Variants in STAG1 observed in about 807,000 individuals in gnomAD.
STAG1 encodes the protein STAG1 cohesin complex component, also known as cohesin subunit SA-1.
A neutral mutation model predicts 170.9 loss-of-function variants in STAG1; 26 were observed. The ratio of observed to expected loss-of-function variants is 0.15; its 90% CI spans 0.11 to 0.21. The LOEUF (loss-of-function observed/expected upper bound fraction) is 0.21, where lower values mean the gene tolerates loss of function less well. Among genes scored for constraint, STAG1 ranks in the 10% least tolerant of loss-of-function variants. The probability of loss-of-function intolerance (pLI) is 1.00; values close to 1 mark genes in which losing one functional copy is unlikely to be tolerated. For missense variants in STAG1, 964 were observed against 1,509.5 expected (o/e 0.64, Z 5.99); for synonymous variants, 514 against 497.7 (o/e 1.03, Z -0.44).
intron 9 of STAG1, among the ~76,000 whole-genome samples, chr3:136,496,507 A>T (rs1933104099): frequency 6.6e-6 from 1 of 152,186 alleles, no homozygotes; most frequent in Non-Finnish European, 1.5e-5. Flanking sequence ...GTATCTAGAA[A>T]ATCCTCAAAT....
At position 136,702,826 on chromosome 3, in the gene STAG1, A is replaced by G. The variant is rs1414642850; in HGVS notation, c.-84+49369T>C. Among the ~76,000 whole-genome samples the G allele has an allele frequency of 2.0e-5, 3 of 152,166 alleles. No homozygotes were observed. The South Asian group carries it at 6.2e-4, about 32-fold the overall frequency. ...GGCTCACACCCGTAATCCCAGCACT[A>G]TGAGAGGCCGAGGCGGGCAGATCAC... On this transcript the variant is annotated intron_variant, in intron 1 of 33. Coordinates refer to ENST00000383202, the MANE Select transcript of STAG1 (RefSeq NM_005862.3).
chr3:136,702,756 G>A (rs554083295), intron 1 of STAG1, among the ~76,000 whole-genome samples: 191 of 152,114 alleles, frequency 1.3e-3, no homozygotes, highest in South Asian at 2.7e-3. Context: ...TAGGAAACAG[G>A]AGATAACGTC....
chr3:136,736,915 T>A, intron 1 of STAG1: 1 of 1,587,220 alleles, frequency 6.3e-7, no homozygotes, highest in East Asian at 2.2e-5. Flanking sequence ...TTGCTCCTGA[T>A]CTAGTAGCAA....
intron 22 of STAG1, among the ~76,000 whole-genome samples, chr3:136,389,633 C>T (rs2086955561): frequency 6.6e-6 from 1 of 151,924 alleles, no homozygotes; most frequent in Admixed American, 6.6e-5. Flanking sequence ...AATTCTCCTG[C>T]CTCGGCCTTC....
At position 136,472,488 on chromosome 3, in the gene STAG1, C is replaced by A; in HGVS notation, c.1130G>T (p.Arg377Leu). ...LELFTNRFKDRIVSMTLDKEY... is the reference protein window; with the variant it reads ...LELFTNRFKDLIVSMTLDKEY... Reference sequence around the variant, plus strand: ...TTTATCAAGTGTCATTGATACAATGCGATCCTGAGAAAAAAAAGTTGTAAA... The same window carrying A: ...TTTATCAAGTGTCATTGATACAATGAGATCCTGAGAAAAAAAAGTTGTAAA... The change falls in exon 12 of 34, where the codon CGC becomes CTC. Residue 377 changes from arginine (R) to leucine (L), a missense_variant. By Grantham distance (102) the Arg-to-Leu change is moderately radical (BLOSUM62 -2). Around this residue, in one of 11 missense-constraint regions of STAG1, gnomAD observed 162 missense variants for 211.2 expected, o/e 0.77. Transcript: ENST00000383202. 1 of 1,609,962 alleles carries A rather than the reference C, an allele frequency of 6.2e-7. No individual in the cohort carries two copies. The highest frequency in any genetic ancestry group is 8.5e-7 in the Non-Finnish European group (1 of 1,177,784).
intron 9 of STAG1, among the ~76,000 whole-genome samples, chr3:136,489,767 A>T (rs1477068645): frequency 1.3e-5 from 2 of 152,246 alleles, no homozygotes; most frequent in South Asian, 2.1e-4. Context: ...CCTTTATTAG[A>T]CTAAGAACTT....
chr3:136,647,222 G>A (rs1397578320), intron 1 of STAG1, among the ~76,000 whole-genome samples: 1 of 152,118 alleles, frequency 6.6e-6, no homozygotes, highest in Non-Finnish European at 1.5e-5. Context: ...AAGTCATGCA[G>A]TGCCCAACAT....
intron 7 of STAG1, among the ~76,000 whole-genome samples, chr3:136,510,979 C>T (rs538427373): frequency 3.9e-5 from 6 of 152,046 alleles, no homozygotes; most frequent in Non-Finnish European, 7.4e-5. Flanking sequence ...ACCATGTTGG[C>T]CAGGCTAGTC....
intron 5 of STAG1, among the ~76,000 whole-genome samples, chr3:136,567,927 G>T (rs1238587780): frequency 4.6e-5 from 7 of 152,022 alleles, no homozygotes. Flanking sequence ...TACTCACAAT[G>T]AAGATGCCTT....
At chr3:136,644,407 A>G (rs1327091695) in intron 1 of STAG1, among the ~76,000 whole-genome samples, 1 of 152,160 alleles carries the variant, frequency 6.6e-6, no homozygotes, top group Non-Finnish European at 1.5e-5. Context: ...GCCCAAGGCA[A>G]TCATCTTGAT....
At position 136,561,796 on chromosome 3, in the gene STAG1, C is replaced by T. The variant is rs766054373; in HGVS notation, c.394+6969G>A. ...GACTACTGATTTCCCTTGAGCATGA[C>T]GCTGGCTTTGGGGTTAAAACATTTT... On this transcript the variant is annotated intron_variant, in intron 5 of 33. Transcript: ENST00000383202. Among the ~76,000 whole-genome samples the T allele has an allele frequency of 1.9e-4, 28 of 147,600 alleles. 1 individual carries two copies. The highest frequency in any genetic ancestry group is 1.9e-3 in the Admixed American group (27 of 14,258).
intron 22 of STAG1, among the ~76,000 whole-genome samples, chr3:136,383,828 G>A (rs1048480274): frequency 2.0e-5 from 3 of 151,818 alleles, no homozygotes; most frequent in Non-Finnish European, 4.4e-5. Flanking sequence ...GGTGGCAGGC[G>A]CCTGTAGTCC....
At chr3:136,595,488 T>C (rs1938379495) in intron 4 of STAG1, among the ~76,000 whole-genome samples, 1 of 151,950 alleles carries the variant, frequency 6.6e-6, no homozygotes, top group African/African-American at 2.4e-5. Flanking sequence ...GGTCAGGAGA[T>C]TGAGACCATC....
chr3:136,552,327 CAT>C (rs1484892145), intron 5 of STAG1, among the ~76,000 whole-genome samples: 1 of 152,158 alleles, frequency 6.6e-6, no homozygotes, highest in African/African-American at 2.4e-5. Context: ...TTTACACACA[CAT>C]ATACATATCA....
At chr3:136,553,935 A>G (rs770648250) in intron 5 of STAG1, among the ~76,000 whole-genome samples, 1 of 152,220 alleles carries the variant, frequency 6.6e-6, no homozygotes, top group Non-Finnish European at 1.5e-5. Context: ...ATTAAATGCA[A>G]AAGGGACTAA....
chr3:136,621,966 C>T (rs1939873038), intron 3 of STAG1, among the ~76,000 whole-genome samples: 2 of 141,254 alleles, frequency 1.4e-5, no homozygotes, highest in Admixed American at 7.4e-5. Flanking sequence ...TATACTGGGA[C>T]TTCACAATGA....
chr3:136,579,121 C>G (rs1559889349), intron 4 of STAG1, among the ~76,000 whole-genome samples: 1 of 152,168 alleles, frequency 6.6e-6, no homozygotes. Context: ...TGACTATGGA[C>G]TATAATAAAC....
Position 136,579,958 on chromosome 3 carries a change from A to ATTTTTTTTTT in STAG1, c.298-11107_298-11098dup, listed in dbSNP as rs749325884. Among the ~76,000 whole-genome samples the ATTTTTTTTTT allele has an allele frequency of 3.2e-3, 233 of 73,650 alleles. 31 individuals carry two copies. Among genetic ancestry groups the ATTTTTTTTTT allele is most frequent in the African/African-American group, 5.9e-3 (101 of 17,064 alleles). The allele number at this position is 73,650 out of a possible 152,430, so 48.3% of individuals were successfully genotyped here. Reference sequence around the variant, plus strand: ...CTATTTTGGTCACAATACCATCTGAATTTTTTTTTTTTTTTTTTTTTTTTT... The same window carrying ATTTTTTTTTT: ...CTATTTTGGTCACAATACCATCTGAATTTTTTTTTTTTTTTTTTTTTTTTTTTTTTTTTTT... On this transcript the variant is annotated intron_variant, in intron 4 of 33. Transcript: ENST00000383202.
chr3:136,517,767 C>T (rs1934458394), intron 7 of STAG1, among the ~76,000 whole-genome samples: 1 of 151,882 alleles, frequency 6.6e-6, no homozygotes, highest in Admixed American at 6.6e-5. Flanking sequence ...CTACTATGTC[C>T]CACTGAGATA....
Sources: allele counts gnomAD v4.1 joint callset (sites outside exome capture counted in the v4.1 genomes callset), GRCh38; gene constraint gnomAD v4.1.1; regional missense constraint gnomAD v4.1.1; transcripts MANE v1.5; gene names NCBI Gene and HGNC (gene_info 2026-07-23, HGNC 2026-07-21).